GLIS1: variants seen among roughly 807,000 people sequenced by gnomAD.
GLIS1 encodes zinc finger protein GLIS1.
GLIS1 carries 24 observed loss-of-function variants against 63.8 expected under a neutral mutation model. The observed-to-expected ratio is 0.38, with a 90% confidence interval of 0.27 to 0.53. The LOEUF (loss-of-function observed/expected upper bound fraction) is 0.53, where lower values mean the gene tolerates loss of function less well. Ranked by LOEUF, GLIS1 falls within the 20% of genes least tolerant of loss-of-function variation. The pLI, the probability that GLIS1 is intolerant of heterozygous loss-of-function variation, is 0.85. For synonymous variants in GLIS1, 450 were observed against 482.5 expected, an observed-to-expected ratio of 0.93 and a Z score of 0.88; for missense variants, 1,036 against 1,074.1, an observed-to-expected ratio of 0.96 and a Z score of 0.50.
At chr1:53,538,737 G>T (rs1644607861) in intron 4 of GLIS1, among the ~76,000 whole-genome samples, 1 of 152,168 alleles carries the variant, frequency 6.6e-6, no homozygotes, top group Non-Finnish European at 1.5e-5. Context: ...TCAAGGCTGA[G>T]GGGGTGGGGG....
chr1:53,562,293 G>A (rs753742891), intron 4 of GLIS1, among the ~76,000 whole-genome samples: 5 of 152,182 alleles, frequency 3.3e-5, no homozygotes, highest in Admixed American at 6.5e-5. Context: ...AAGAGTCAGC[G>A]CCTGCTTTCA....
intron 2 of GLIS1, among the ~76,000 whole-genome samples, chr1:53,620,430 C>T (rs1022859503): frequency 2.0e-5 from 3 of 152,252 alleles, no homozygotes; most frequent in African/African-American, 7.2e-5. Flanking sequence ...GCCTGCTTTT[C>T]TTCTCACTGC....
intron 4 of GLIS1, among the ~76,000 whole-genome samples, chr1:53,566,809 GT>G (rs1223445298): frequency 6.6e-6 from 1 of 152,182 alleles, no homozygotes; most frequent in Non-Finnish European, 1.5e-5. Flanking sequence ...ATGATTCCAA[GT>G]TTCCTGAGGC....
intron 2 of GLIS1, among the ~76,000 whole-genome samples, chr1:53,735,077 T>C (rs1646900225): frequency 6.6e-6 from 1 of 152,174 alleles, no homozygotes; most frequent in Admixed American, 6.5e-5. Flanking sequence ...CTTCCTCTGC[T>C]TAGGGACTGT....
At chr1:53,535,076 A>T (rs1644569176) in intron 4 of GLIS1, among the ~76,000 whole-genome samples, 1 of 152,036 alleles carries the variant, frequency 6.6e-6, no homozygotes, top group Non-Finnish European at 1.5e-5. Flanking sequence ...ACAGCTAAGG[A>T]TCTATTGAGC....
In GLIS1 at chr1:53,594,420, C is replaced by G. The variant is rs1645228306; in HGVS notation, c.1008G>C (p.Gln336His). The stretch of plus-strand genomic sequence containing the variant: ...GGGGATAGGGGGGCGGCAGGCCCTG[C>G]TGGTGAGGCCCAAAGAGCTCTGAAA... Reference protein sequence around the residue: ...DEFSELFGPHQQGLPPPYPLS... With the variant: ...DEFSELFGPHHQGLPPPYPLS... The change falls in exon 4 of 11, where the codon CAG becomes CAC. Residue 336 changes from glutamine to histidine, a missense_variant. By Grantham distance (24) the Gln-to-His change is conservative (BLOSUM62 0). This residue lies in a region of GLIS1 where 592 missense variants were observed against 593.9 expected (regional missense o/e 1.00). Coordinates refer to ENST00000628545, the MANE Select transcript of GLIS1 (RefSeq NM_001367484.1). The G allele has an allele frequency of 2.5e-6, 4 of 1,612,584 alleles. No individual in the cohort carries two copies. Among genetic ancestry groups the G allele is most frequent in the Non-Finnish European group, 3.4e-6 (4 of 1,179,864 alleles).
intron 4 of GLIS1, among the ~76,000 whole-genome samples, chr1:53,545,750 T>C (rs1644691755): frequency 6.6e-6 from 1 of 152,240 alleles, no homozygotes; most frequent in East Asian, 1.9e-4. Context: ...TTAAAAAAAT[T>C]TACAGTGGGC....
At chr1:53,677,933 A>G (rs559904680) in intron 2 of GLIS1, among the ~76,000 whole-genome samples, 1 of 152,290 alleles carries the variant, frequency 6.6e-6, no homozygotes, top group East Asian at 1.9e-4. Flanking sequence ...TCAAGTGTCA[A>G]ATGGAAACAC....
At chr1:53,735,220 C>G (rs1646901473) in intron 2 of GLIS1, among the ~76,000 whole-genome samples, 1 of 152,192 alleles carries the variant, frequency 6.6e-6, no homozygotes, top group African/African-American at 2.4e-5. Flanking sequence ...GCTAGCACAC[C>G]ACAGTTAGCA....
chr1:53,719,029 C>T (rs1646726927), intron 2 of GLIS1, among the ~76,000 whole-genome samples: 1 of 152,188 alleles, frequency 6.6e-6, no homozygotes, highest in Non-Finnish European at 1.5e-5. Flanking sequence ...CAGGCACCCG[C>T]ATGCATCCCG....
intron 2 of GLIS1, among the ~76,000 whole-genome samples, chr1:53,691,912 A>G (rs1032460371): frequency 6.6e-6 from 1 of 152,084 alleles, no homozygotes; most frequent in African/African-American, 2.4e-5. Flanking sequence ...AGAGATGTAT[A>G]TTACCATTAC....
intron 2 of GLIS1, among the ~76,000 whole-genome samples, chr1:53,657,150 G>C (rs1261628872): frequency 6.6e-6 from 1 of 152,202 alleles, no homozygotes; most frequent in Non-Finnish European, 1.5e-5. Context: ...GCTGGGCACA[G>C]CCATTAAACA....
chr1:53,609,676 A>G (rs2948049), intron 2 of GLIS1, among the ~76,000 whole-genome samples: 114,679 of 152,206 alleles, frequency 0.75, 43,357 homozygotes, highest in Middle Eastern at 0.86. Context: ...TGTTAGATAT[A>G]CTTTCTTCTA....
chr1:53,552,139 CCA>C (rs1046797423), intron 4 of GLIS1, among the ~76,000 whole-genome samples: 9 of 152,060 alleles, frequency 5.9e-5, no homozygotes, highest in African/African-American at 2.2e-4. Flanking sequence ...ATACATTCAA[CCA>C]CACACACACT....
At chr1:53,545,190 T>C (rs949007502) in intron 4 of GLIS1, among the ~76,000 whole-genome samples, 1 of 152,130 alleles carries the variant, frequency 6.6e-6, no homozygotes, top group Admixed American at 6.5e-5. Context: ...CAGTAGAGTA[T>C]CACCCCTCCC....
chr1:53,553,501 C>T (rs138640617), intron 4 of GLIS1, among the ~76,000 whole-genome samples: 1 of 152,330 alleles, frequency 6.6e-6, no homozygotes, highest in Non-Finnish European at 1.5e-5. Context: ...GAGCAAGACA[C>T]ATGTGGTCTT....
rs941722062 is a variant in GLIS1 at position 53,520,623 on chromosome 1, C to G, written c.1726+11G>C. The G allele has an allele frequency of 1.2e-4, 186 of 1,600,778 alleles. No individual in the cohort carries two copies. The highest frequency in any genetic ancestry group is 1.5e-4 in the Non-Finnish European group (179 of 1,174,270). On this transcript the variant is annotated intron_variant, in intron 7 of 10. Transcript: ENST00000628545. ...GGCTACGCCCCTGGCCCTGCCTCCC[C>G]GCACACGTACCTGGGAGCAGCTCCT...
intron 4 of GLIS1, among the ~76,000 whole-genome samples, chr1:53,546,829 A>G (rs539747993): frequency 2.0e-5 from 3 of 152,210 alleles, no homozygotes; most frequent in African/African-American, 4.8e-5. Flanking sequence ...GCCTTCCTAG[A>G]TTTCCCTGTT....
At chr1:53,613,464 C>A (rs980652061) in intron 2 of GLIS1, among the ~76,000 whole-genome samples, 1 of 152,034 alleles carries the variant, frequency 6.6e-6, no homozygotes, top group African/African-American at 2.4e-5. Context: ...TAGGAGATAG[C>A]CTATATATCC....
Sources: allele counts gnomAD v4.1 joint callset (sites outside exome capture counted in the v4.1 genomes callset), GRCh38; gene constraint gnomAD v4.1.1; regional missense constraint gnomAD v4.1.1; transcripts MANE v1.5; gene names NCBI Gene and HGNC (gene_info 2026-07-23, HGNC 2026-07-21).